GLIS3: variants seen among roughly 807,000 people sequenced by gnomAD.
GLIS3 encodes zinc finger protein GLIS3.
Under a neutral mutation model 78.6 loss-of-function variants are expected in GLIS3, and 53 were observed. That is an observed-to-expected ratio of 0.67 (90% confidence interval 0.54 to 0.85). The LOEUF (loss-of-function observed/expected upper bound fraction) is 0.85, where lower values mean the gene tolerates loss of function less well. GLIS3 is among the 40% of genes least tolerant of loss of function. The pLI, the probability that GLIS3 is intolerant of heterozygous loss-of-function variation, is 0.00. For missense variants in GLIS3, 1,703 were observed against 1,231.1 expected, an observed-to-expected ratio of 1.38 and a Z score of -5.74; for synonymous variants, 684 against 509.9, an observed-to-expected ratio of 1.34 and a Z score of -4.60.
chr9:3,868,941 T>C (rs868127112), intron 8 of GLIS3, among the ~76,000 whole-genome samples: 1 of 152,226 alleles, frequency 6.6e-6, no homozygotes, highest in Non-Finnish European at 1.5e-5. Context: ...AATTTTGGGT[T>C]ATGTGCTCTT....
At chr9:4,082,342 G>C (rs986651282) in intron 4 of GLIS3, among the ~76,000 whole-genome samples, 1 of 152,152 alleles carries the variant, frequency 6.6e-6, no homozygotes, top group African/African-American at 2.4e-5. Flanking sequence ...CAGTTCAAAA[G>C]AAGATAGAAC....
chr9:4,179,419 T>G (rs1006922241), intron 2 of GLIS3, among the ~76,000 whole-genome samples: 2 of 152,186 alleles, frequency 1.3e-5, no homozygotes, highest in Non-Finnish European at 2.9e-5. Flanking sequence ...GATTCCCTTA[T>G]GTAGGTAGCT....
rs1265317427 is a variant in GLIS3, at chr9:3,991,683, A to AATTTTTTTTTTT, written c.1711-54495_1711-54494insAAAAAAAAAAAT. Among the ~76,000 whole-genome samples, 46 of 87,900 alleles carry AATTTTTTTTTTT rather than the reference A, an allele frequency of 5.2e-4. 5 individuals are homozygous for AATTTTTTTTTTT. Among genetic ancestry groups the AATTTTTTTTTTT allele is most frequent in the African/African-American group, 2.3e-3 (44 of 18,976 alleles). The allele number at this position is 87,900 out of a possible 152,430, so 57.7% of individuals were successfully genotyped here. On this transcript the variant is annotated intron_variant, in intron 4 of 10. Coordinates refer to ENST00000381971, the MANE Select transcript of GLIS3 (RefSeq NM_001042413.2). Reference sequence around the variant, plus strand: ...GTTCAGAATTTCATTAAGTAGGCTGATTTTTTTTTTTTTTTTTTTTTTTTT... The same window carrying AATTTTTTTTTTT: ...GTTCAGAATTTCATTAAGTAGGCTGAATTTTTTTTTTTTTTTTTTTTTTTTTTTTTTTTTTTT...
At chr9:4,390,216 C>G in the GLIS3 span, among the ~76,000 whole-genome samples, 3 of 152,216 alleles carry the variant, frequency 2.0e-5, no homozygotes, top group South Asian at 6.2e-4. Context: ...GCAGCCGCAG[C>G]TGAAGTATGC....
chr9:4,246,395 T>C (rs13287596), intron 2 of GLIS3, among the ~76,000 whole-genome samples: 17,946 of 152,202 alleles, frequency 0.12, 1,276 homozygotes, highest in Non-Finnish European at 0.16. Flanking sequence ...TTCCCAAGAA[T>C]GTAGACAGGA....
chr9:4,328,963 C>A (rs1199174810), intron 2 of GLIS3, among the ~76,000 whole-genome samples: 2 of 152,182 alleles, frequency 1.3e-5, no homozygotes, highest in African/African-American at 4.8e-5. Flanking sequence ...CTCCAGCAAC[C>A]ACAGCTCTTG....
At position 4,343,423 on chromosome 9, in the gene GLIS3, C is replaced by T. The variant is rs113844677; in HGVS notation, n.264+3658G>A. ...TAAAAGGTAAAAAAATAACATGCTGCGAGAGTTGTGGAGAAAAAGGAATGC... is the reference window on the plus strand; with the variant it reads ...TAAAAGGTAAAAAAATAACATGCTGTGAGAGTTGTGGAGAAAAAGGAATGC... On this transcript the variant is annotated intron_variant and non_coding_transcript_variant, in intron 2 of 4. Coordinates refer to the GLIS3 transcript ENST00000471664. Among the ~76,000 whole-genome samples, 12 of 152,194 alleles carry T rather than the reference C, an allele frequency of 7.9e-5. No individual in the cohort carries two copies. The East Asian group carries it at 1.7e-3, about 22-fold the overall frequency.
chr9:4,028,829 C>T (rs1344570011), intron 4 of GLIS3, among the ~76,000 whole-genome samples: 2 of 152,154 alleles, frequency 1.3e-5, no homozygotes, highest in African/African-American at 4.8e-5. Context: ...AAAAGAAATA[C>T]ATACATTGAT....
intron 1 of GLIS3, among the ~76,000 whole-genome samples, chr9:4,347,929 T>C (rs1407000619): frequency 6.6e-6 from 1 of 152,206 alleles, no homozygotes; most frequent in African/African-American, 2.4e-5. Context: ...ATTTAGGATA[T>C]GTGTATTCTT....
At chr9:4,014,933 C>A (rs764969439) in intron 4 of GLIS3, among the ~76,000 whole-genome samples, 2 of 152,170 alleles carry the variant, frequency 1.3e-5, no homozygotes, top group African/African-American at 4.8e-5. Context: ...GAGGTCACTG[C>A]GCCAGACTCT....
At chr9:4,210,032 T>C (rs1319439381) in intron 2 of GLIS3, among the ~76,000 whole-genome samples, 1 of 152,202 alleles carries the variant, frequency 6.6e-6, no homozygotes, top group East Asian at 1.9e-4. Context: ...GTAAGGATGA[T>C]ATTTTGTTCA....
At chr9:4,455,850 CA>C in the GLIS3 span, among the ~76,000 whole-genome samples, 1 of 152,256 alleles carries the variant, frequency 6.6e-6, no homozygotes, top group Admixed American at 6.5e-5. Context: ...TGGTGGCTCA[CA>C]CCTGTAATCC....
At chr9:4,409,255 C>G in the GLIS3 span, among the ~76,000 whole-genome samples, 1 of 152,162 alleles carries the variant, frequency 6.6e-6, no homozygotes, top group African/African-American at 2.4e-5. Context: ...GGAATGAACT[C>G]TTTTAAACTG....
At chr9:3,995,819 T>C (rs980962589) in intron 4 of GLIS3, among the ~76,000 whole-genome samples, 1 of 152,074 alleles carries the variant, frequency 6.6e-6, no homozygotes, top group African/African-American at 2.4e-5. Flanking sequence ...AGAAGGTAGA[T>C]ATAAAACACA....
the GLIS3 span, among the ~76,000 whole-genome samples, chr9:4,401,553 C>G: frequency 2.0e-5 from 3 of 148,060 alleles, no homozygotes; most frequent in Non-Finnish European, 4.4e-5. Flanking sequence ...TGTGAGCCAC[C>G]GTGCCTGTCC....
chr9:4,284,136 G>A (rs945160860), intron 2 of GLIS3, among the ~76,000 whole-genome samples: 1 of 152,178 alleles, frequency 6.6e-6, no homozygotes, highest in Non-Finnish European at 1.5e-5. Context: ...TTACTGGCTG[G>A]TGCCTCTGAA....
intron 4 of GLIS3, among the ~76,000 whole-genome samples, chr9:3,965,129 G>C (rs906376533): frequency 6.6e-6 from 1 of 151,796 alleles, no homozygotes; most frequent in African/African-American, 2.4e-5. Flanking sequence ...AATGCACACA[G>C]GAGGCTGTCA....
chr9:4,033,486 A>G (rs1262805983), intron 4 of GLIS3, among the ~76,000 whole-genome samples: 1 of 152,260 alleles, frequency 6.6e-6, no homozygotes, highest in East Asian at 1.9e-4. Context: ...ACCTTCCTGG[A>G]CGTGCAGACT....
At position 4,117,846 on chromosome 9, in the gene GLIS3, T is replaced by C. The variant is rs1831792324; in HGVS notation, c.1632A>G (p.Arg544=). The C allele has an allele frequency of 3.7e-6, 6 of 1,614,156 alleles. No individual in the cohort carries two copies. The African/African-American group carries it at 4.0e-5, about 11-fold the overall frequency. ...TATAGCGGGCGTTGAAGGGCTTGTA[T>C]CTTCGAGGGCAACCGGCCCAGAAGC... ...FTCFWAGCPR[R]YKPFNARYKL... The change falls in exon 4 of 11, where the codon AGA becomes AGG. Residue 544 remains arginine (R), a synonymous_variant. Transcript: ENST00000381971.
Sources: gnomAD v4.1 joint callset for allele counts (sites outside exome capture counted in the v4.1 genomes callset) on GRCh38, gnomAD v4.1.1 for gene constraint, MANE v1.5 for transcripts, NCBI Gene and HGNC (gene_info 2026-07-23, HGNC 2026-07-21) for gene names.